Variants in ARID1B observed in about 807,000 individuals in gnomAD.
ARID1B encodes AT-rich interactive domain-containing protein 1B.
A neutral mutation model predicts 212.3 loss-of-function variants in ARID1B; 30 were observed. That is an observed-to-expected ratio of 0.14 (90% CI 0.11 to 0.19). The LOEUF (loss-of-function observed/expected upper bound fraction) is 0.19. Ranked by LOEUF, ARID1B falls within the 10% of genes least tolerant of loss-of-function variation. The pLI is 1.00. For missense variants in ARID1B, 2,891 were observed against 3,204.0 expected (o/e 0.90, Z 2.36); for synonymous variants, 1,402 against 1,301.7 (o/e 1.08, Z -1.66).
Position 156,779,107 on chromosome 6 carries a change from CGGCCGCCGG to C in ARID1B, c.1428_1436del (p.Ala477_Gly479del). The C allele has an allele frequency of 8.1e-7, 1 of 1,233,068 alleles. No individual in the cohort carries two copies. The allele number at this position is 1,233,068 out of a possible 1,614,324, so 76.4% of individuals were successfully genotyped here. A position where few individuals can be genotyped will look rare whatever the true frequency, so the allele number is the denominator to read the frequency against. On this transcript the variant is annotated inframe_deletion, in exon 1 of 20. Coordinates refer to ENST00000636930, the MANE Select transcript of ARID1B (RefSeq NM_001374828.1). The stretch of plus-strand genomic sequence containing the variant: ...GGCGGGGCCGCGAGCCTCAGCAAGG[CGGCCGCCGG>C]CTCGGCGGCGGGGGGCTTCCAGCGC...
At chr6:157,163,255 C>G (rs182882027) in intron 8 of ARID1B, among the ~76,000 whole-genome samples, 2 of 152,090 alleles carry the variant, frequency 1.3e-5, no homozygotes, top group Non-Finnish European at 2.9e-5. Context: ...GCTGTGGTCT[C>G]GGGCATTGTA....
At chr6:157,051,662 G>A (rs1045057203) in intron 4 of ARID1B, among the ~76,000 whole-genome samples, 1 of 152,056 alleles carries the variant, frequency 6.6e-6, no homozygotes, top group Non-Finnish European at 1.5e-5. Flanking sequence ...AATAAATGCA[G>A]GCAGAGGAAA....
chr6:156,902,514 G>T (rs1295387950), intron 3 of ARID1B, among the ~76,000 whole-genome samples: 1 of 151,880 alleles, frequency 6.6e-6, no homozygotes, highest in South Asian at 2.1e-4. Context: ...ATATTTTCTT[G>T]GGTTTGTTGG....
intron 7 of ARID1B, among the ~76,000 whole-genome samples, chr6:157,144,181 G>A (rs1294535077): frequency 2.0e-5 from 3 of 152,190 alleles, no homozygotes; most frequent in African/African-American, 7.2e-5. Context: ...TGTTCATTAA[G>A]ATACAGCCCT....
intron 1 of ARID1B, among the ~76,000 whole-genome samples, chr6:156,815,485 A>G (rs950750683): frequency 6.6e-6 from 1 of 152,124 alleles, no homozygotes; most frequent in African/African-American, 2.4e-5. Flanking sequence ...CCCCACACCC[A>G]TTTTTAAAAT....
intron 1 of ARID1B, among the ~76,000 whole-genome samples, chr6:156,811,859 T>C (rs1233288740): frequency 1.3e-5 from 2 of 152,200 alleles, no homozygotes; most frequent in Non-Finnish European, 2.9e-5. Context: ...ATTCTGCTTA[T>C]CTCAAGGGAT....
At chr6:157,171,703 C>T (rs1791726414) in intron 9 of ARID1B, among the ~76,000 whole-genome samples, 1 of 152,166 alleles carries the variant, frequency 6.6e-6, no homozygotes, top group Admixed American at 6.5e-5. Flanking sequence ...TCTATTTGCA[C>T]ACCCAAAATG....
intron 5 of ARID1B, among the ~76,000 whole-genome samples, chr6:157,097,001 C>A (rs1434455635): frequency 6.6e-6 from 1 of 152,186 alleles, no homozygotes; most frequent in East Asian, 1.9e-4. Flanking sequence ...CTGGAGATTT[C>A]ACTCAGGAGC....
chr6:157,050,795 G>A (rs1782549694), intron 4 of ARID1B, among the ~76,000 whole-genome samples: 1 of 152,156 alleles, frequency 6.6e-6, no homozygotes, highest in Non-Finnish European at 1.5e-5. Context: ...GGTTTATGAT[G>A]TGCTATGTAA....
At chr6:157,022,708 A>G (rs1010082595) in intron 4 of ARID1B, 1 of 152,176 alleles carries the variant, frequency 6.6e-6, no homozygotes, top group African/African-American at 2.4e-5. Flanking sequence ...TAATTTGACC[A>G]TAAATTCTAA....
chr6:156,851,040 A>G (rs1192331381), intron 2 of ARID1B, among the ~76,000 whole-genome samples: 3 of 152,112 alleles, frequency 2.0e-5, no homozygotes, highest in Non-Finnish European at 4.4e-5. Flanking sequence ...GTGTTTTTGA[A>G]TGTTCTGTGT....
intron 2 of ARID1B, among the ~76,000 whole-genome samples, chr6:156,880,173 A>G (rs1786927299): frequency 1.3e-5 from 2 of 152,280 alleles, no homozygotes; most frequent in South Asian, 4.1e-4. Context: ...AGTGTGAGCA[A>G]ATGACCAGTC....
intron 5 of ARID1B, among the ~76,000 whole-genome samples, chr6:157,102,018 A>G (rs138055635): frequency 8.6e-4 from 131 of 152,342 alleles, no homozygotes; most frequent in African/African-American, 3.0e-3. Context: ...TTCTATATCT[A>G]TTAGTATTAC....
rs149020993 is a variant in ARID1B, at chr6:157,066,908, G to C, written c.2248-17754G>C. Among the ~76,000 whole-genome samples the C allele has an allele frequency of 6.3e-3, 950 of 151,398 alleles. 9 individuals carry two copies. The highest frequency in any genetic ancestry group is 0.02 in the African/African-American group (827 of 40,910). Reference sequence around the variant, plus strand: ...TCCTTTGGTGTGGGAGTAGAAAGGAGAAAAACATGTATTAGAGGAGTGGAC... The same window carrying C: ...TCCTTTGGTGTGGGAGTAGAAAGGACAAAAACATGTATTAGAGGAGTGGAC... On this transcript the variant is annotated intron_variant, in intron 4 of 19. Coordinates refer to ENST00000636930, the MANE Select transcript of ARID1B (RefSeq NM_001374828.1).
At chr6:157,063,063 G>A (rs996290846) in intron 4 of ARID1B, among the ~76,000 whole-genome samples, 7 of 151,764 alleles carry the variant, frequency 4.6e-5, no homozygotes, top group Non-Finnish European at 1.0e-4. Flanking sequence ...GGGTCCTACT[G>A]ACCATCCTCA....
intron 4 of ARID1B, among the ~76,000 whole-genome samples, chr6:156,979,482 T>A (rs1223106754): frequency 2.0e-5 from 3 of 152,182 alleles, no homozygotes; most frequent in African/African-American, 7.2e-5. Context: ...TTGATCTACC[T>A]GAATTTGAGC....
At chr6:157,172,862 C>T (rs1791816861) in intron 9 of ARID1B, 2 of 151,772 alleles carry the variant, frequency 1.3e-5, no homozygotes, top group Non-Finnish European at 2.9e-5. Context: ...TGAGCCAGCA[C>T]TTTCATTTGC....
intron 1 of ARID1B, among the ~76,000 whole-genome samples, chr6:156,813,427 A>G (rs1207294522): frequency 6.6e-6 from 1 of 152,048 alleles, no homozygotes; most frequent in African/African-American, 2.4e-5. Flanking sequence ...CTGGGTGTGT[A>G]TTTTAACCGG....
chr6:157,088,953 C>T (rs959373342), intron 5 of ARID1B, among the ~76,000 whole-genome samples: 1 of 152,106 alleles, frequency 6.6e-6, no homozygotes, highest in Non-Finnish European at 1.5e-5. Context: ...CTTTTGTTTT[C>T]TTTCTGTCCC....
Sources: gnomAD v4.1 joint callset for allele counts (sites outside exome capture counted in the v4.1 genomes callset) on GRCh38, gnomAD v4.1.1 for gene constraint, MANE v1.5 for transcripts, NCBI Gene and HGNC (gene_info 2026-07-23, HGNC 2026-07-21) for gene names.